The following RBAK variants were observed in gnomAD, a reference collection of about 807,000 sequenced individuals.
RBAK encodes the protein RB-associated KRAB zinc finger protein.
In RBAK, 39 loss-of-function variants were observed where a neutral mutation model predicts 65.8. The observed-to-expected ratio is 0.59, with a 90% CI of 0.46 to 0.77. The LOEUF (loss-of-function observed/expected upper bound fraction) is 0.77. RBAK is among the 30% of genes least tolerant of loss of function. The pLI, the probability that RBAK is intolerant of heterozygous loss-of-function variation, is 0.00. For missense variants in RBAK, 884 were observed against 855.1 expected, an observed-to-expected ratio of 1.03 and a Z score of -0.42; for synonymous variants, 343 against 289.7, an observed-to-expected ratio of 1.18 and a Z score of -1.87.
In RBAK at chr7:5,057,363, T is replaced by C; in HGVS notation, c.84T>C (p.Asp28=). Residue 28 remains aspartate, a synonymous_variant, in exon 3 of 5, where the codon GAT becomes GAC. Coordinates refer to ENST00000396912, the MANE Select transcript of RBAK (RefSeq NM_021163.4). ...AGGAGTGGCAGCAGCTGGACCCTGA[T>C]GAGAAGATAACTTACAGGGATGTGA... ...TQEEWQQLDP[D]EKITYRDVML... 6.2e-7 allele frequency: 1 copy of C among 1,613,320 alleles called. No homozygotes were observed. The highest frequency in any genetic ancestry group is 8.5e-7 in the Non-Finnish European group (1 of 1,179,404).
At position 5,068,265 on chromosome 7, in the gene RBAK, T is replaced by A. The variant is rs1244851105; in HGVS notation, c.*2664T>A. 2.0e-5 allele frequency: 3 copies of A among 151,492 alleles called. No individual in the cohort carries two copies. The highest frequency in any genetic ancestry group is 4.4e-5 in the Non-Finnish European group (3 of 67,856). 9.4% of individuals were successfully genotyped at this position (151,492 alleles called of 1,614,324 possible). On this transcript the variant is annotated 3_prime_UTR_variant, in exon 5 of 5. Transcript: ENST00000396912. ...CATACACCATGCATTAAAAAAAAAA[T>A]GAGCATGGCTGCTTCCCAGTAAAAC...
chr7:5,065,251 G>T lies in RBAK; in HGVS notation c.1795G>T (p.Glu599Ter), dbSNP rs766173536. The stretch of plus-strand genomic sequence containing the variant: ...AGGCGAGAAACCCTATGAATGTTAC[G>T]AATGTGGAAAATTCTTCTCTCAGAA... Reference protein sequence around the residue: ...HTGEKPYECYECGKFFSQKSY... With the variant: ...HTGEKPYECY Residue 599 changes from glutamate (E) to a stop codon, truncating the protein, a stop_gained, in exon 5 of 5, where the codon GAA becomes TAA. Coordinates refer to ENST00000396912, the MANE Select transcript of RBAK (RefSeq NM_021163.4). LOFTEE classifies it high-confidence loss of function. The surrounding 1 kb of genome is among the most constrained non-coding windows in gnomAD (Gnocchi z 5.3). The T allele has an allele frequency of 6.2e-7, 1 of 1,613,898 alleles. No individual in the cohort carries two copies. Among genetic ancestry groups the T allele is most frequent in the South Asian group, 1.1e-5 (1 of 91,072 alleles).
chr7:5,064,274 A>T lies in RBAK; in HGVS notation c.818A>T (p.Lys273Met). The change falls in exon 5 of 5, where the codon AAG becomes ATG. Residue 273 changes from lysine to methionine, a missense_variant. Transcript: ENST00000396912. The surrounding 1 kb of genome is among the most constrained non-coding windows in gnomAD (Gnocchi z 6.3). ...CSECGKSFCK[K>M]SKFIIHQRAH... ...GAATGTGGAAAATCCTTCTGTAAAAAGTCAAAATTCATCATCCACCAGAGG... is the reference window on the plus strand; with the variant it reads ...GAATGTGGAAAATCCTTCTGTAAAATGTCAAAATTCATCATCCACCAGAGG... The T allele has an allele frequency of 6.2e-7, 1 of 1,614,196 alleles. No individual in the cohort carries two copies.
rs1368070049 is a variant in RBAK at position 5,048,161 on chromosome 7, A to G, written c.15+70A>G. The G allele has an allele frequency of 1.7e-5, 26 of 1,550,742 alleles. No homozygotes were observed. The highest frequency in any genetic ancestry group is 2.2e-5 in the Non-Finnish European group (25 of 1,144,518). The stretch of plus-strand genomic sequence containing the variant: ...GATGCATTTTAAGAGGTTTGTAAGG[A>G]TTCTTACCTTTTTTTTTTTCTTTTT... On this transcript the variant is annotated intron_variant, in intron 2 of 4. Coordinates refer to ENST00000396912, the MANE Select transcript of RBAK (RefSeq NM_021163.4). The surrounding 1 kb of genome is among the most constrained non-coding windows in gnomAD (Gnocchi z 4.4).
chr7:5,049,925 C>T (rs1474726841), intron 2 of RBAK, among the ~76,000 whole-genome samples: 2 of 152,090 alleles, frequency 1.3e-5, no homozygotes, highest in Admixed American at 1.3e-4. Flanking sequence ...CACCATGTCA[C>T]CCAGGCTGGT....
chr7:5,048,382 C>T lies in RBAK; in HGVS notation c.15+291C>T, dbSNP rs1383050322. Among the ~76,000 whole-genome samples, 2 of 152,142 alleles carry T rather than the reference C, an allele frequency of 1.3e-5. No homozygotes were observed. Among genetic ancestry groups the T allele is most frequent in the Non-Finnish European group, 2.9e-5 (2 of 68,034 alleles). On this transcript the variant is annotated intron_variant, in intron 2 of 4. Transcript: ENST00000396912. The surrounding 1 kb of genome is among the most constrained non-coding windows in gnomAD (Gnocchi z 4.4). The stretch of plus-strand genomic sequence containing the variant: ...AGAGACAGGGTTTCACCATGTTGGC[C>T]AGGCTGGTCTCAAACTCCTGACCTC...
At position 5,065,780 on chromosome 7, in the gene RBAK, A is replaced by G. The variant is rs906694396; in HGVS notation, c.*179A>G. On this transcript the variant is annotated 3_prime_UTR_variant, in exon 5 of 5. Transcript: ENST00000396912. The surrounding 1 kb of genome is among the most constrained non-coding windows in gnomAD (Gnocchi z 5.3). ...ATCCCGAAGAATGTAACAAGAAGCA[A>G]AGCCTTCAGCAAGATCATACGACTC... 3.2e-5 allele frequency: 14 copies of G among 441,712 alleles called. No individual in the cohort carries two copies. In the East Asian group the frequency reaches 4.8e-4, roughly 15 times the overall value. 27.4% of individuals were successfully genotyped at this position (441,712 alleles called of 1,614,324 possible).
rs1037439035 is a variant in RBAK, at chr7:5,047,601, CTTTTTTTTT to C, written c.-44-414_-44-406del. ...TTCGCCTATCACTCTTTTTCACTCT[CTTTTTTTTT>C]TTTTTTTTTTTTTTTTTGAGACAGT... On this transcript the variant is annotated intron_variant, in intron 1 of 4. Coordinates refer to ENST00000396912, the MANE Select transcript of RBAK (RefSeq NM_021163.4). 3.5e-3 allele frequency among the ~76,000 whole-genome samples: 350 copies of C among 100,910 alleles called. 2 individuals carry two copies. The highest frequency in any genetic ancestry group is 0.013 in the African/African-American group (323 of 24,642). 66.2% of individuals were successfully genotyped at this position (100,910 alleles called of 152,430 possible).
intron 2 of RBAK, among the ~76,000 whole-genome samples, chr7:5,054,129 G>A (rs931591369): frequency 1.3e-5 from 2 of 152,004 alleles, no homozygotes; most frequent in African/African-American, 2.4e-5. Context: ...GCTTCAGCCC[G>A]GGCGTGGTGG....
rs1583465181 is a variant in RBAK, at chr7:5,066,153, A to C, written c.*552A>C. 6.6e-6 allele frequency: 1 copy of C among 152,600 alleles called. No individual in the cohort carries two copies. Among genetic ancestry groups the C allele is most frequent in the Non-Finnish European group, 1.5e-5 (1 of 68,022 alleles). The allele number at this position is 152,600 out of a possible 1,614,324, so 9.5% of individuals were successfully genotyped here. A position where few individuals can be genotyped will look rare whatever the true frequency, so the allele number is the denominator to read the frequency against. ...TGCAATCTAATGGTAATTCTATGCA[A>C]GTTTGGAATTGGATGACTTGTGAAG... On this transcript the variant is annotated 3_prime_UTR_variant, in exon 5 of 5. Transcript: ENST00000396912.
At chr7:5,063,020 A>G (rs913476824) in intron 4 of RBAK, among the ~76,000 whole-genome samples, 2 of 152,304 alleles carry the variant, frequency 1.3e-5, no homozygotes, top group South Asian at 2.1e-4. Context: ...CAGGGTCCTG[A>G]GGCGACATAC....
intron 2 of RBAK, among the ~76,000 whole-genome samples, chr7:5,055,297 C>T (rs978631560): frequency 6.6e-6 from 1 of 151,538 alleles, no homozygotes; most frequent in African/African-American, 2.4e-5. Flanking sequence ...TGTATATACA[C>T]ACAAACTGTA....
chr7:5,048,014 C>T lies in RBAK; in HGVS notation c.-44-19C>T, dbSNP rs1246965838. On this transcript the variant is annotated intron_variant, in intron 1 of 4. Coordinates refer to ENST00000396912, the MANE Select transcript of RBAK (RefSeq NM_021163.4). The surrounding 1 kb of genome is among the most constrained non-coding windows in gnomAD (Gnocchi z 4.4). ...GCCAGAGCACTCATGACTTCAGTGA[C>T]CTGCTTCTCCCCCTCTAGGTCTACC... 18 of 1,380,770 alleles carry T rather than the reference C, an allele frequency of 1.3e-5. No homozygotes were observed. In the East Asian group the frequency reaches 3.7e-4, roughly 28 times the overall value. 85.5% of individuals were successfully genotyped at this position (1,380,770 alleles called of 1,614,324 possible). A position where few individuals can be genotyped will look rare whatever the true frequency, so the allele number is the denominator to read the frequency against.
intron 4 of RBAK, among the ~76,000 whole-genome samples, chr7:5,058,537 A>T (rs1445608361): frequency 6.6e-6 from 1 of 152,176 alleles, no homozygotes; most frequent in Admixed American, 6.5e-5. Flanking sequence ...GCATTCAGAT[A>T]CCAAAACCTC....
chr7:5,057,659 G>C, intron 3 of RBAK, 25 bp from the exon 4 acceptor site: 1 of 1,613,492 alleles, frequency 6.2e-7, no homozygotes, highest in Non-Finnish European at 8.5e-7. Flanking sequence ...GCTTCCCCAA[G>C]TCCTCCTTCT....
At chr7:5,047,326 G>A (rs1286699805) in intron 1 of RBAK, among the ~76,000 whole-genome samples, 3 of 152,180 alleles carry the variant, frequency 2.0e-5, no homozygotes, top group Non-Finnish European at 4.4e-5. Context: ...TGGAGGCCAG[G>A]AGGTCGAGGC....
chr7:5,068,322 G>A lies in RBAK; in HGVS notation c.*2721G>A, dbSNP rs183448345. 3.9e-5 allele frequency: 6 copies of A among 152,162 alleles called. 1 individual carries two copies. Among genetic ancestry groups the A allele is most frequent in the Admixed American group, 3.9e-4 (6 of 15,250 alleles). The allele number at this position is 152,162 out of a possible 1,614,324, so 9.4% of individuals were successfully genotyped here. ...CAATCCCAGGTGGCAGTCTGGATTT[G>A]GTCTGCACTCATAGTTTTCTGGTCC... is the stretch of plus-strand genomic sequence containing the variant. On this transcript the variant is annotated 3_prime_UTR_variant, in exon 5 of 5. Transcript: ENST00000396912.
At chr7:5,050,898 T>C (rs1329815295) in intron 2 of RBAK, among the ~76,000 whole-genome samples, 1 of 152,210 alleles carries the variant, frequency 6.6e-6, no homozygotes, top group Non-Finnish European at 1.5e-5. Context: ...GATAAATTTC[T>C]GTTCTCTATT....
intron 4 of RBAK, among the ~76,000 whole-genome samples, chr7:5,062,883 C>A (rs191766010): frequency 2.9e-4 from 44 of 152,324 alleles, no homozygotes; most frequent in Middle Eastern, 3.4e-3. Flanking sequence ...CACCGGCAGT[C>A]AGAGTTTAAG....
Sources: gnomAD v4.1 joint callset for allele counts (sites outside exome capture counted in the v4.1 genomes callset) on GRCh38, gnomAD v4.1.1 for gene constraint, Gnocchi (gnomAD v3.1) non-coding constraint, MANE v1.5 for transcripts, NCBI Gene and HGNC (gene_info 2026-07-23, HGNC 2026-07-21) for gene names.